F11R: variants seen among roughly 807,000 people sequenced by gnomAD.
F11R encodes the protein junctional adhesion molecule A.
In F11R, 27 loss-of-function variants were observed where a neutral mutation model predicts 39.3. That is an observed-to-expected ratio of 0.69 (90% CI 0.51 to 0.95). F11R has a LOEUF of 0.95. F11R is among the 40% of genes least tolerant of loss of function. The pLI is 0.00. For missense variants in F11R, 335 were observed against 372.7 expected (o/e 0.90, Z 0.83); for synonymous variants, 131 against 144.9 (o/e 0.90, Z 0.69).
intron 1 of F11R, among the ~76,000 whole-genome samples, chr1:161,005,409 C>T (rs1484062609): frequency 2.1e-5 from 1 of 46,982 alleles, no homozygotes; most frequent in Non-Finnish European, 3.9e-5. Flanking sequence ...GCCTGCTGGG[C>T]TCAAGTGACC....
intron 1 of F11R, among the ~76,000 whole-genome samples, chr1:161,017,981 G>A (rs979608047): frequency 6.6e-6 from 1 of 152,226 alleles, no homozygotes; most frequent in Non-Finnish European, 1.5e-5. Flanking sequence ...AGGAAGGGCA[G>A]GGGAGCAAAT....
At chr1:161,004,522 G>A (rs1253576449) in intron 1 of F11R, among the ~76,000 whole-genome samples, 1 of 151,832 alleles carries the variant, frequency 6.6e-6, no homozygotes, top group Non-Finnish European at 1.5e-5. Flanking sequence ...ATTCCAGCTT[G>A]GGCAACAAAG....
chr1:161,017,889 T>C (rs1248997090), intron 1 of F11R, among the ~76,000 whole-genome samples: 1 of 152,160 alleles, frequency 6.6e-6, no homozygotes, highest in Non-Finnish European at 1.5e-5. Flanking sequence ...TAGTAAACAC[T>C]GGGACTCAGA....
chr1:161,013,284 C>G (rs1361851026), intron 1 of F11R, among the ~76,000 whole-genome samples: 2 of 152,190 alleles, frequency 1.3e-5, no homozygotes, highest in Non-Finnish European at 1.5e-5. Flanking sequence ...AGCTGGAGCC[C>G]TGCAATAGGA....
chr1:161,014,371 G>C (rs1011928715), intron 1 of F11R, among the ~76,000 whole-genome samples: 1 of 152,140 alleles, frequency 6.6e-6, no homozygotes, highest in Admixed American at 6.5e-5. Context: ...GACTTGGAGG[G>C]GGGTGGGATG....
chr1:160,999,415 G>C lies in F11R; in HGVS notation c.803-7C>G, dbSNP rs754602828. ...ACTCACCCTTTCTTTGTTCCTGAAA[G>C]AGAAGAAATGGGATCATGAGTGTCA... On this transcript the variant is annotated splice_polypyrimidine_tract_variant and splice_region_variant and intron_variant, in intron 7 of 9. Coordinates refer to ENST00000368026, the MANE Select transcript of F11R (RefSeq NM_016946.6). 16 of 1,614,226 alleles carry C rather than the reference G, an allele frequency of 9.9e-6. No homozygotes were observed. The East Asian group carries it at 3.3e-4, about 34-fold the overall frequency.
At chr1:161,001,163 C>G (rs554673048) in intron 2 of F11R, 36 bp from the exon 3 acceptor site, 24 of 1,606,364 alleles carry the variant, frequency 1.5e-5, no homozygotes, top group South Asian at 1.2e-4. Flanking sequence ...AAGGAAGAAG[C>G]AGCAGCAAAT....
intron 1 of F11R, among the ~76,000 whole-genome samples, chr1:161,017,202 A>T (rs1649513253): frequency 6.6e-6 from 1 of 152,170 alleles, no homozygotes; most frequent in African/African-American, 2.4e-5. Context: ...ATAGTCTGAA[A>T]TATGGCCTCG....
At position 161,002,976 on chromosome 1, in the gene F11R, G is replaced by A. The variant is rs1405813432; in HGVS notation, c.65-1623C>T. The stretch of plus-strand genomic sequence containing the variant: ...TATTTGTTTTTTTTTTTTTTGAGAC[G>A]GAGTTTCACTCCTGTTGCCCAGGCT... On this transcript the variant is annotated intron_variant, in intron 1 of 9. Coordinates refer to ENST00000368026, the MANE Select transcript of F11R (RefSeq NM_016946.6). Among the ~76,000 whole-genome samples, 9 of 141,560 alleles carry A rather than the reference G, an allele frequency of 6.4e-5. 1 individual carries two copies. Among genetic ancestry groups the A allele is most frequent in the Non-Finnish European group, 1.1e-4 (7 of 65,190 alleles). The allele number at this position is 141,560 out of a possible 152,430, so 92.9% of individuals were successfully genotyped here.
chr1:161,009,162 T>C (rs1247802558), intron 1 of F11R, among the ~76,000 whole-genome samples: 1 of 152,126 alleles, frequency 6.6e-6, no homozygotes, highest in African/African-American at 2.4e-5. Context: ...GCAGTATTCA[T>C]CCACATTATT....
intron 1 of F11R, among the ~76,000 whole-genome samples, chr1:161,006,150 G>T (rs1003174966): frequency 3.3e-5 from 5 of 151,788 alleles, no homozygotes; most frequent in East Asian, 1.9e-4. Flanking sequence ...AAAAAAAAGG[G>T]GGGGGGCACT....
chr1:161,005,219 A>T (rs1648734526), intron 1 of F11R, among the ~76,000 whole-genome samples: 1 of 149,294 alleles, frequency 6.7e-6, no homozygotes. Flanking sequence ...AAATTAAACC[A>T]AATAGCTTTT....
intron 8 of F11R, 146 bp from the exon 9 acceptor site, chr1:160,999,237 C>T: frequency 7.0e-7 from 1 of 1,424,078 alleles, no homozygotes; most frequent in Non-Finnish European, 9.9e-7. Context: ...AGGACAGACC[C>T]AGGGCCAAGG....
rs1477352606 is a variant in F11R, at chr1:161,015,413, T to A, written c.64+5597A>T. On this transcript the variant is annotated intron_variant, in intron 1 of 9. Coordinates refer to ENST00000368026, the MANE Select transcript of F11R (RefSeq NM_016946.6). ...ACTCCATCTCAAAAAAAAAAATATA[T>A]ATATATATATATATACACACACACA... is the stretch of plus-strand genomic sequence containing the variant. Among the ~76,000 whole-genome samples, 300 of 130,478 alleles carry A rather than the reference T, an allele frequency of 2.3e-3. 2 individuals are homozygous for A. Among genetic ancestry groups the A allele is most frequent in the African/African-American group, 8.4e-3 (288 of 34,192 alleles). 85.6% of individuals were successfully genotyped at this position (130,478 alleles called of 152,430 possible). A position where few individuals can be genotyped will look rare whatever the true frequency, so the allele number is the denominator to read the frequency against.
At chr1:161,015,011 G>A (rs1649373642) in intron 1 of F11R, among the ~76,000 whole-genome samples, 1 of 150,838 alleles carries the variant, frequency 6.6e-6, no homozygotes, top group Admixed American at 6.6e-5. Context: ...CCGGGAGGCA[G>A]AGCTTGCAGT....
intron 1 of F11R, among the ~76,000 whole-genome samples, chr1:161,007,547 T>C (rs1382056000): frequency 1.3e-5 from 2 of 151,968 alleles, no homozygotes; most frequent in Non-Finnish European, 2.9e-5. Context: ...CCTCCTCAAA[T>C]CTGAGTTTAC....
At chr1:160,999,365 T>C (rs1648323342) in intron 8 of F11R, 31 bp downstream of exon 8, 2 of 1,614,126 alleles carry the variant, frequency 1.2e-6, no homozygotes, top group Non-Finnish European at 1.7e-6. Flanking sequence ...GCTCTCAAAC[T>C]TGGAGAACCC....
intron 1 of F11R, among the ~76,000 whole-genome samples, chr1:161,011,684 T>C (rs909469579): frequency 4.0e-5 from 6 of 151,564 alleles, no homozygotes; most frequent in Admixed American, 3.3e-4. Flanking sequence ...GAGCTGAGAT[T>C]GTGCCACTGC....
Position 160,999,713 on chromosome 1 carries a change from G to A in F11R, c.729C>T (p.Val243=), listed in dbSNP as rs377082031. 3.7e-5 allele frequency: 60 copies of A among 1,614,044 alleles called. No homozygotes were observed. The highest frequency in any genetic ancestry group is 4.7e-5 in the Non-Finnish European group (56 of 1,180,038). ...TTCCCAGGAGAATCAGGGTTACAAG[G>A]ACGGCTGCCACGATGACCCCCACAT... ...ERNVGVIVAA[V]LVTLILLGIL... The change falls in exon 7 of 10, where the codon GTC becomes GTT. Residue 243 remains valine (V), a synonymous_variant. Transcript: ENST00000368026.
Sources: allele counts gnomAD v4.1 joint callset (sites outside exome capture counted in the v4.1 genomes callset), GRCh38; gene constraint gnomAD v4.1.1; transcripts MANE v1.5; gene names NCBI Gene and HGNC (gene_info 2026-07-23, HGNC 2026-07-21).